KCNT1: variants seen among roughly 807,000 people sequenced by gnomAD.
The protein encoded by KCNT1 is potassium channel subfamily T member 1.
In KCNT1, 78 loss-of-function variants were observed where a neutral mutation model predicts 147.8. The observed-to-expected ratio is 0.53, with a 90% confidence interval of 0.44 to 0.64. The LOEUF (loss-of-function observed/expected upper bound fraction) is 0.64, where lower values mean the gene tolerates loss of function less well. Ranked by LOEUF, KCNT1 falls within the 30% of genes least tolerant of loss-of-function variation. The pLI is 0.00. For synonymous variants in KCNT1, 867 were observed against 748.8 expected, an observed-to-expected ratio of 1.16 and a Z score of -2.58; for missense variants, 1,419 against 1,750.3, an observed-to-expected ratio of 0.81 and a Z score of 3.38.
rs556019043 is a variant in KCNT1 at position 135,702,393 on chromosome 9, C to T, written c.110+25C>T. On this transcript the variant is annotated intron_variant, in intron 1 of 30. Transcript: ENST00000371757. ...GGTACAGTCTGCTGCGCCCTCCCCA[C>T]GCGGGGAGGCCCCGGTCTAACCTAA... 1.7e-5 allele frequency: 27 copies of T among 1,556,284 alleles called. No homozygotes were observed. In the African/African-American group the frequency reaches 2.3e-4, roughly 13 times the overall value.
chr9:135,770,050 C>T lies in KCNT1; in HGVS notation c.1614C>T (p.Arg538=), dbSNP rs368876173. Residue 538 remains arginine (R), a synonymous_variant, in exon 16 of 31, where the codon CGC becomes CGT. Transcript: ENST00000371757. The part of the protein sequence containing the change: ...TLITLLVHTS[R]GQEGQESPEQ... ...TCACCCTGCTGGTGCACACGTCCCGCGGCCAGTGAGTGCCCCGTGCCCCGG... is the reference window on the plus strand; with the variant it reads ...TCACCCTGCTGGTGCACACGTCCCGTGGCCAGTGAGTGCCCCGTGCCCCGG... 146 of 1,549,910 alleles carry T rather than the reference C, an allele frequency of 9.4e-5. 2 individuals carry two copies. Among genetic ancestry groups the T allele is most frequent in the South Asian group, 9.3e-4 (78 of 84,046 alleles).
intron 2 of KCNT1, among the ~76,000 whole-genome samples, chr9:135,733,809 C>T (rs1452448070): frequency 6.8e-6 from 1 of 147,984 alleles, no homozygotes; most frequent in Non-Finnish European, 1.5e-5. Context: ...GGCGTGGGTG[C>T]CCACCCACGA....
intron 11 of KCNT1, among the ~76,000 whole-genome samples, chr9:135,761,914 G>A (rs777972048): frequency 8.5e-5 from 13 of 152,266 alleles, no homozygotes; most frequent in Non-Finnish European, 1.3e-4. Context: ...ACCCCAGAGC[G>A]AAGAGGAGCC....
intron 24 of KCNT1, among the ~76,000 whole-genome samples, chr9:135,780,145 A>G (rs1833502877): frequency 6.6e-6 from 1 of 152,176 alleles, no homozygotes. Flanking sequence ...CCCCAGCCCC[A>G]CCGCATTCCC....
At chr9:135,782,012 G>A (rs962930214) in intron 24 of KCNT1, among the ~76,000 whole-genome samples, 2 of 152,196 alleles carry the variant, frequency 1.3e-5, no homozygotes, top group African/African-American at 4.8e-5. Context: ...TCAGGAGTTC[G>A]AGACCAGGCT....
chr9:135,737,294 G>A (rs950397724), intron 2 of KCNT1, among the ~76,000 whole-genome samples: 1 of 152,192 alleles, frequency 6.6e-6, no homozygotes, highest in Non-Finnish European at 1.5e-5. Context: ...AGGGGTGCAG[G>A]TGGCCGTCCT....
rs375819048 is a variant in KCNT1 at position 135,716,548 on chromosome 9, T to C, written c.254+1828T>C. Among the ~76,000 whole-genome samples the C allele has an allele frequency of 3.3e-5, 5 of 152,178 alleles. No homozygotes were observed. In the East Asian group the frequency reaches 5.8e-4, roughly 18 times the overall value. On this transcript the variant is annotated intron_variant, in intron 2 of 30. Transcript: ENST00000371757. ...CCCTCACCACTGTAATTCGAGAACA[T>C]TTGTATACCCTAGAAGGAATCTCCT...
In KCNT1 at chr9:135,768,663, G is replaced by T; in HGVS notation, c.1391G>T (p.Arg464Leu). Residue 464 changes from arginine (R) to leucine (L), a missense_variant, in exon 14 of 31, where the codon CGC becomes CTC. Coordinates refer to ENST00000371757, the MANE Select transcript of KCNT1 (RefSeq NM_020822.3). ...CTCAGCAGCAGGAACGAGGTGGACC[G>T]CACGGCTGCAGTGAGTGAGGCTGAG... is the stretch of plus-strand genomic sequence containing the variant. Reference protein sequence around the residue: ...FILSSRNEVDRTAADHQTILR... With the variant: ...FILSSRNEVDLTAADHQTILR... 1 of 1,550,242 alleles carries T rather than the reference G, an allele frequency of 6.5e-7. No individual in the cohort carries two copies. The highest frequency in any genetic ancestry group is 8.7e-7 in the Non-Finnish European group (1 of 1,146,694).
intron 2 of KCNT1, among the ~76,000 whole-genome samples, chr9:135,731,958 G>GTATA (rs1564327715): frequency 5.6e-5 from 2 of 35,542 alleles, no homozygotes; most frequent in East Asian, 1.5e-3. Context: ...TCAAATATGC[G>GTATA]TGTATATATA....
chr9:135,715,372 T>G (rs1835682156), intron 2 of KCNT1, among the ~76,000 whole-genome samples: 1 of 152,220 alleles, frequency 6.6e-6, no homozygotes, highest in South Asian at 2.1e-4. Flanking sequence ...ATAGCTGTCT[T>G]GGGTAAACAC....
intron 1 of KCNT1, among the ~76,000 whole-genome samples, chr9:135,711,338 A>G (rs1451196236): frequency 1.3e-5 from 2 of 152,250 alleles, no homozygotes; most frequent in Admixed American, 6.5e-5. Flanking sequence ...TGGCTATCAG[A>G]AGAGCCCCCC....
chr9:135,747,586 C>T (rs906632951), intron 2 of KCNT1, among the ~76,000 whole-genome samples: 17 of 152,158 alleles, frequency 1.1e-4, no homozygotes, highest in Admixed American at 9.2e-4. Context: ...ACAGACCCCC[C>T]AAAGAGACAC....
rs1212079792 is a variant in KCNT1, at chr9:135,774,283, GTGT to G, written c.2244-1023_2244-1021del. Among the ~76,000 whole-genome samples the G allele has an allele frequency of 1.1e-4, 16 of 147,240 alleles. No homozygotes were observed. In the South Asian group the frequency reaches 2.0e-3, roughly 18 times the overall value. ...GTGTGGTGTCTGTTGTGTGTGTGGT[GTGT>G]TGTGTGTGGTGTGTGTGTCTGTGTG... On this transcript the variant is annotated intron_variant, in intron 19 of 30. Transcript: ENST00000371757.
In KCNT1 at chr9:135,714,664, G is replaced by A. The variant is rs1835646151; in HGVS notation, c.198G>A (p.Pro66=). 6.7e-7 allele frequency: 1 copy of A among 1,485,980 alleles called. No homozygotes were observed. Among genetic ancestry groups the A allele is most frequent in the Non-Finnish European group, 9.0e-7 (1 of 1,109,022 alleles). 92.0% of individuals were successfully genotyped at this position (1,485,980 alleles called of 1,614,324 possible). A position where few individuals can be genotyped will look rare whatever the true frequency, so the allele number is the denominator to read the frequency against. The change falls in exon 2 of 31, where the codon CCG becomes CCA. Residue 66 remains proline, a synonymous_variant. Coordinates refer to ENST00000371757, the MANE Select transcript of KCNT1 (RefSeq NM_020822.3). This position sits in a 1 kb window ranked among gnomAD's most constrained non-coding sequence, Gnocchi z 6.2. ...DLDSEVLPLP[P]RYRFRDLLLG... is the part of the protein sequence containing the mutation. ...ACTCCGAGGTGCTGCCCTTGCCGCC[G>A]CGCTACCGCTTCCGGGACCTGCTGC...
intron 2 of KCNT1, among the ~76,000 whole-genome samples, chr9:135,728,467 A>G (rs1836306510): frequency 1.3e-5 from 2 of 152,220 alleles, no homozygotes. Context: ...TGCGGATGTA[A>G]CAGCCACCCA....
At chr9:135,718,310 G>A (rs1316204333) in intron 2 of KCNT1, among the ~76,000 whole-genome samples, 1 of 152,228 alleles carries the variant, frequency 6.6e-6, no homozygotes, top group Non-Finnish European at 1.5e-5. Flanking sequence ...CTGAATGCAG[G>A]AGGGAGTGCA....
chr9:135,755,281 AC>A, intron 6 of KCNT1, 112 bp downstream of exon 6: 1 of 795,584 alleles, frequency 1.3e-6, no homozygotes, highest in Non-Finnish European at 1.9e-6. Flanking sequence ...CTGAGGACAT[AC>A]CCAGTCTCAG....
At chr9:135,726,760 C>CCTCCCTCTCTCT (rs1836166533) in intron 2 of KCNT1, among the ~76,000 whole-genome samples, 1 of 98,430 alleles carries the variant, frequency 1.0e-5, no homozygotes, top group African/African-American at 3.8e-5. Context: ...TCCCTCTCTC[C>CCTCCCTCTCTCT]CTCTCTCTCT....
At chr9:135,771,429 C>T (rs1343685320) in intron 18 of KCNT1, among the ~76,000 whole-genome samples, 1 of 152,206 alleles carries the variant, frequency 6.6e-6, no homozygotes, top group Non-Finnish European at 1.5e-5. Context: ...AAACAGGTGT[C>T]CCCGCCTTCC....
Sources: gnomAD v4.1 joint callset for allele counts (sites outside exome capture counted in the v4.1 genomes callset) on GRCh38, gnomAD v4.1.1 for gene constraint, Gnocchi (gnomAD v3.1) non-coding constraint, MANE v1.5 for transcripts, NCBI Gene and HGNC (gene_info 2026-07-23, HGNC 2026-07-21) for gene names.